Variants in CILK1 observed in about 807,000 individuals in gnomAD.
CILK1 encodes serine/threonine-protein kinase ICK.
CILK1 carries 47 observed loss-of-function variants against 79.2 expected under a neutral mutation model. That is an observed-to-expected ratio of 0.59 (90% CI 0.47 to 0.76). CILK1 has a LOEUF of 0.76. Among genes scored for constraint, CILK1 ranks in the 30% least tolerant of loss-of-function variants. The pLI, the probability that CILK1 is intolerant of heterozygous loss-of-function variation, is 0.00. For synonymous variants in CILK1, 266 were observed against 275.9 expected (o/e 0.96, Z 0.36); for missense variants, 660 against 769.5 (o/e 0.86, Z 1.68).
chr6:53,034,819 T>C (rs1766200429), intron 3 of CILK1, among the ~76,000 whole-genome samples: 1 of 152,112 alleles, frequency 6.6e-6, no homozygotes, highest in Non-Finnish European at 1.5e-5. Context: ...CAAGGAGTAA[T>C]CAGCAAACCC....
chr6:53,052,928 G>A (rs222447), intron 1 of CILK1, among the ~76,000 whole-genome samples: 10 of 150,538 alleles, frequency 6.6e-5, no homozygotes, highest in Non-Finnish European at 1.2e-4. Context: ...TTTGCCTGTT[G>A]CCACTTGCCA....
chr6:53,007,310 C>T (rs1424729343), intron 12 of CILK1, among the ~76,000 whole-genome samples: 3 of 152,016 alleles, frequency 2.0e-5, no homozygotes, highest in East Asian at 1.9e-4. Flanking sequence ...TGAGGAGTTG[C>T]GTTGGTCAGC....
At chr6:53,005,423 C>T in intron 13 of CILK1, 120 bp from the exon 14 acceptor site, 1 of 1,086,494 alleles carries the variant, frequency 9.2e-7, no homozygotes, top group Admixed American at 2.0e-5. Context: ...AGCATCTTGT[C>T]TCCTACTTAT....
intron 1 of CILK1, among the ~76,000 whole-genome samples, chr6:53,046,728 T>A (rs1051321067): frequency 6.6e-6 from 1 of 152,220 alleles, no homozygotes; most frequent in African/African-American, 2.4e-5. Flanking sequence ...CTAAGCATTA[T>A]GCAAGGCTCT....
intron 12 of CILK1, among the ~76,000 whole-genome samples, chr6:53,008,391 C>T (rs1764362847): frequency 6.6e-6 from 1 of 151,430 alleles, no homozygotes; most frequent in Non-Finnish European, 1.5e-5. Flanking sequence ...GGGAAAGGCA[C>T]AGACACTGGG....
intron 1 of CILK1, among the ~76,000 whole-genome samples, chr6:53,044,066 C>A (rs1359500451): frequency 6.6e-6 from 1 of 151,976 alleles, no homozygotes; most frequent in Admixed American, 6.6e-5. Context: ...ATGGAGGAAC[C>A]CAGATGCCAT....
rs562842291 is a variant in CILK1, at chr6:53,012,827, C to T, written c.1153-600G>A. On this transcript the variant is annotated intron_variant, in intron 9 of 13. Coordinates refer to ENST00000676107, the MANE Select transcript of CILK1 (RefSeq NM_014920.5). The stretch of plus-strand genomic sequence containing the variant: ...CAAATACTAACTGACACAGAAAGTG[C>T]CACTTTTTCATAAAGGATAGACAGT... 3.5e-4 allele frequency among the ~76,000 whole-genome samples: 54 copies of T among 152,266 alleles called. 2 individuals carry two copies. Among genetic ancestry groups the T allele is most frequent in the African/African-American group, 1.1e-3 (47 of 41,542 alleles).
At position 53,005,102 on chromosome 6, in the gene CILK1, A is replaced by G. The variant is rs1764138939; in HGVS notation, c.*47T>C. 6.2e-7 allele frequency: 1 copy of G among 1,610,142 alleles called. No individual in the cohort carries two copies. Among genetic ancestry groups the G allele is most frequent in the Non-Finnish European group, 8.5e-7 (1 of 1,177,630 alleles). On this transcript the variant is annotated 3_prime_UTR_variant, in exon 14 of 14. Coordinates refer to ENST00000676107, the MANE Select transcript of CILK1 (RefSeq NM_014920.5). ...GTAGAACACCAGTCAGCTGAGGGAA[A>G]GTATCCTGCTTCTCCCTAGGAAGAG... is the stretch of plus-strand genomic sequence containing the variant.
At position 53,009,492 on chromosome 6, in the gene CILK1, C is replaced by T. The variant is rs1183590270; in HGVS notation, c.1568G>A (p.Gly523Asp). Residue 523 changes from glycine to aspartate, a missense_variant, in exon 12 of 14, where the codon GGC becomes GAC. Physicochemically the swap from Gly to Asp is moderately conservative, Grantham distance 94 (BLOSUM62 -1). Transcript: ENST00000676107. The part of the protein sequence containing the change: ...FIPPNPWSSS[G>D]LSGKSSGTMS... Reference sequence around the variant, plus strand: ...TGTCCCTGAAGATTTTCCAGACAAGCCAGAACTAGACCATGGATTAGGTGG... The same window carrying T: ...TGTCCCTGAAGATTTTCCAGACAAGTCAGAACTAGACCATGGATTAGGTGG... The T allele has an allele frequency of 1.2e-6, 2 of 1,613,374 alleles. No individual in the cohort carries two copies. The highest frequency in any genetic ancestry group is 1.1e-5 in the South Asian group (1 of 91,078).
In CILK1 at chr6:53,032,673, A is replaced by C; in HGVS notation, c.157-19T>G. 1 of 1,586,218 alleles carries C rather than the reference A, an allele frequency of 6.3e-7. No homozygotes were observed. The highest frequency in any genetic ancestry group is 1.7e-5 in the Admixed American group (1 of 58,756). On this transcript the variant is annotated intron_variant, in intron 3 of 13. Transcript: ENST00000676107. ...TTAAAGACTAAAAGGCAAGGAATAA[A>C]CACAAAACAAAACAAATATTAGAGA... is the stretch of plus-strand genomic sequence containing the variant.
chr6:53,031,955 T>C (rs1037159057), intron 4 of CILK1, among the ~76,000 whole-genome samples: 3 of 152,212 alleles, frequency 2.0e-5, no homozygotes, highest in African/African-American at 4.8e-5. Context: ...TGCCTCAGTA[T>C]CCCTAGTAAC....
At position 53,012,101 on chromosome 6, in the gene CILK1, T is replaced by G; in HGVS notation, c.1279A>C (p.Ser427Arg). The change falls in exon 10 of 14, where the codon AGT becomes CGT. Residue 427 changes from serine to arginine, a missense_variant. Physicochemically the swap from Ser to Arg is moderately radical, Grantham distance 110. Coordinates refer to ENST00000676107, the MANE Select transcript of CILK1 (RefSeq NM_014920.5). ...DWADLDDLDF[S>R]PSLSRIDLKN... ...AGGTCAATCCTGCTGAGGGATGGAC[T>G]GAAATCCAAGTCATCCAAGTCAGCC... 6 of 1,614,232 alleles carry G rather than the reference T, an allele frequency of 3.7e-6. No homozygotes were observed. Among genetic ancestry groups the G allele is most frequent in the Non-Finnish European group, 5.1e-6 (6 of 1,180,034 alleles).
rs775995726 is a variant in CILK1, at chr6:53,005,280, T to G, written c.1768A>C (p.Arg590=). 2 of 1,614,058 alleles carry G rather than the reference T, an allele frequency of 1.2e-6. No individual in the cohort carries two copies. Among genetic ancestry groups the G allele is most frequent in the Non-Finnish European group, 1.7e-6 (2 of 1,180,030 alleles). Reference sequence around the variant, plus strand: ...AAGAATGGTCGCCCAGGATGAGGTCTCATGGCCTTCAGGGAGGAATAACCT... The same window carrying G: ...AAGAATGGTCGCCCAGGATGAGGTCGCATGGCCTTCAGGGAGGAATAACCT... ...SPGYSSLKAM[R]PHPGRPFFHT... The change falls in exon 14 of 14, where the codon AGA becomes CGA. Residue 590 remains arginine (R), a synonymous_variant. Coordinates refer to ENST00000676107, the MANE Select transcript of CILK1 (RefSeq NM_014920.5).
chr6:53,020,568 C>T lies in CILK1; in HGVS notation c.359-1209G>A, dbSNP rs538360132. ...TTGCTTACTGCAGCATTTTGGATTT[C>T]GGATTTTTGGGTTAGGGATGTTCAA... is the stretch of plus-strand genomic sequence containing the variant. On this transcript the variant is annotated intron_variant, in intron 5 of 13. Coordinates refer to ENST00000676107, the MANE Select transcript of CILK1 (RefSeq NM_014920.5). Among the ~76,000 whole-genome samples the T allele has an allele frequency of 4.6e-5, 7 of 152,242 alleles. No homozygotes were observed. The South Asian group carries it at 8.3e-4, about 18-fold the overall frequency.
At chr6:53,020,453 C>T (rs1447036903) in intron 5 of CILK1, among the ~76,000 whole-genome samples, 1 of 152,202 alleles carries the variant, frequency 6.6e-6, no homozygotes, top group Non-Finnish European at 1.5e-5. Context: ...GCTATCATTA[C>T]AGGCTGAGTA....
At chr6:53,009,298 T>C in intron 12 of CILK1, 141 bp downstream of exon 12, 2 of 819,290 alleles carry the variant, frequency 2.4e-6, no homozygotes, top group Admixed American at 1.8e-5. Context: ...GAGAGGAGGA[T>C]AGGGCTGGAA....
In CILK1 at chr6:53,006,960, A is replaced by T. The variant is rs187133230; in HGVS notation, c.1622-523T>A. Among the ~76,000 whole-genome samples, 355 of 152,354 alleles carry T rather than the reference A, an allele frequency of 2.3e-3. 5 individuals are homozygous for T. Among genetic ancestry groups the T allele is most frequent in the African/African-American group, 8.0e-3 (334 of 41,584 alleles). On this transcript the variant is annotated intron_variant, in intron 12 of 13. Transcript: ENST00000676107. ...TCAGAAAAATTAACCATTTTTTACA[A>T]TGTGAAATACCTTAACTTTTTATGT... is the stretch of plus-strand genomic sequence containing the variant.
rs1412680374 is a variant in CILK1 at position 53,004,638 on chromosome 6, A to G, written c.*511T>C. 6.4e-6 allele frequency: 1 copy of G among 156,396 alleles called. No individual in the cohort carries two copies. Among genetic ancestry groups the G allele is most frequent in the African/African-American group, 2.4e-5 (1 of 41,468 alleles). The allele number at this position is 156,396 out of a possible 1,614,324, so 9.7% of individuals were successfully genotyped here. A position where few individuals can be genotyped will look rare whatever the true frequency, so the allele number is the denominator to read the frequency against. On this transcript the variant is annotated 3_prime_UTR_variant, in exon 14 of 14. Transcript: ENST00000676107. ...GGATCACTTTTCTAACAACAGTCCA[A>G]GAAGGCCTGAAGTACCTAGTGAGCC...
chr6:53,021,269 G>A (rs1374027651), intron 5 of CILK1, among the ~76,000 whole-genome samples: 4 of 149,526 alleles, frequency 2.7e-5, no homozygotes, highest in African/African-American at 9.8e-5. Context: ...AGGTTGCAGT[G>A]AGCTGAGATC....
Sources: allele counts gnomAD v4.1 joint callset (sites outside exome capture counted in the v4.1 genomes callset), GRCh38; gene constraint gnomAD v4.1.1; transcripts MANE v1.5; gene names NCBI Gene and HGNC (gene_info 2026-07-23, HGNC 2026-07-21).